The following PIGN variants were observed in gnomAD, a reference collection of about 807,000 sequenced individuals.
PIGN encodes the protein phosphatidylinositol glycan anchor biosynthesis class N.
In PIGN, 117 loss-of-function variants were observed where a neutral mutation model predicts 125.4. The observed-to-expected ratio is 0.93, with a 90% CI of 0.80 to 1.09. The LOEUF is 1.09. Among genes scored for constraint, PIGN ranks in the 50% least tolerant of loss-of-function variants. PIGN has a pLI of 0.00. For synonymous variants in PIGN, 392 were observed against 377.8 expected (o/e 1.04, Z -0.44); for missense variants, 1,075 against 1,094.9 (o/e 0.98, Z 0.26).
intron 1 of PIGN, among the ~76,000 whole-genome samples, chr18:62,173,473 C>G (rs1467155136): frequency 6.6e-6 from 1 of 152,166 alleles, no homozygotes; most frequent in African/African-American, 2.4e-5. Context: ...CTGAAGCAAT[C>G]CTCTCACCTC....
At chr18:62,034,266 C>T (rs978523956) in intron 23 of PIGN, among the ~76,000 whole-genome samples, 2 of 152,198 alleles carry the variant, frequency 1.3e-5, no homozygotes, top group Admixed American at 6.5e-5. Context: ...ATAAGTGAGA[C>T]GTGGTCTCAC....
At chr18:62,123,909 TC>T (rs1433918973) in intron 14 of PIGN, among the ~76,000 whole-genome samples, 1 of 138,816 alleles carries the variant, frequency 7.2e-6, no homozygotes, top group African/African-American at 2.7e-5. Context: ...CATTATATCT[TC>T]TGTGACTATA....
chr18:62,023,478 T>C (rs774775298), intron 23 of PIGN, among the ~76,000 whole-genome samples: 1 of 152,210 alleles, frequency 6.6e-6, no homozygotes, highest in Admixed American at 6.5e-5. Context: ...TCAATGGACA[T>C]TTGGGTCACA....
chr18:62,160,392 T>C (rs1188784712), intron 4 of PIGN, among the ~76,000 whole-genome samples: 3 of 152,220 alleles, frequency 2.0e-5, no homozygotes, highest in Non-Finnish European at 4.4e-5. Context: ...GTGAAAGGGC[T>C]CTATATTCTT....
At chr18:62,038,896 C>T (rs761370437), downstream of PIGN, among the ~76,000 whole-genome samples, 5 of 151,488 alleles carry the variant, frequency 3.3e-5, no homozygotes, top group Admixed American at 1.3e-4. Flanking sequence ...ACAGCTTGCA[C>T]GACACAGTGA....
At chr18:62,170,487 A>G (rs140649437) in intron 1 of PIGN, among the ~76,000 whole-genome samples, 1 of 152,306 alleles carries the variant, frequency 6.6e-6, no homozygotes, top group Middle Eastern at 3.4e-3. Flanking sequence ...AATTGTTTTG[A>G]GACAATTCCA....
intron 14 of PIGN, among the ~76,000 whole-genome samples, chr18:62,131,415 C>G (rs796924410): frequency 4.9e-4 from 74 of 151,686 alleles, no homozygotes; most frequent in African/African-American, 1.7e-3. Context: ...ACTCCAGCCT[C>G]TAAAGTATAC....
chr18:62,087,989 C>T lies in PIGN; in HGVS notation c.2370+767G>A, dbSNP rs186443375. On this transcript the variant is annotated intron_variant, in intron 25 of 30. Coordinates refer to ENST00000640252, the MANE Select transcript of PIGN (RefSeq NM_176787.5). ...AATATTGTATTGTATACTTGAAATG[C>T]GCTAAGAGAGCTGATCTTAAGTGTT... is the stretch of plus-strand genomic sequence containing the variant. 5.3e-5 allele frequency among the ~76,000 whole-genome samples: 8 copies of T among 152,072 alleles called. No homozygotes were observed. In the East Asian group the frequency reaches 5.8e-4, roughly 11 times the overall value.
intron 28 of PIGN, chr18:62,075,378 A>T (rs1249465590): frequency 6.6e-6 from 1 of 152,266 alleles, no homozygotes; most frequent in African/African-American, 2.4e-5. Context: ...TGTCATTTTA[A>T]GAGTGTTTTA....
intron 23 of PIGN, among the ~76,000 whole-genome samples, chr18:62,091,144 C>T (rs1015040199): frequency 2.6e-5 from 4 of 152,084 alleles, no homozygotes; most frequent in African/African-American, 9.7e-5. Flanking sequence ...GGTCAGGAGT[C>T]GAGACCAGTC....
intron 30 of PIGN, 120 bp from the exon 31 acceptor site, chr18:62,046,099 G>T: frequency 4.9e-6 from 5 of 1,027,268 alleles, no homozygotes; most frequent in Non-Finnish European, 5.7e-6. Context: ...GCTGGAGTGG[G>T]TGTTCTTTAC....
downstream of PIGN, among the ~76,000 whole-genome samples, chr18:62,037,415 A>G (rs2030275177): frequency 6.6e-6 from 1 of 152,260 alleles, no homozygotes; most frequent in African/African-American, 2.4e-5. Flanking sequence ...GCCTGTCCAC[A>G]TGAAAGCCCC....
chr18:62,042,209 T>TAC lies in PIGN; in HGVS notation c.*3645_*3646dup, dbSNP rs1174291346. The TAC allele has an allele frequency of 6.6e-6, 1 of 151,976 alleles. No homozygotes were observed. The highest frequency in any genetic ancestry group is 1.9e-4 in the East Asian group (1 of 5,170). The allele number at this position is 151,976 out of a possible 1,614,324, so 9.4% of individuals were successfully genotyped here. A position where few individuals can be genotyped will look rare whatever the true frequency, so the allele number is the denominator to read the frequency against. On this transcript the variant is annotated 3_prime_UTR_variant, in exon 31 of 31. Transcript: ENST00000640252. Reference sequence around the variant, plus strand: ...GGTGGTGGGCACCTGTAATCCCAGCTACTCAGGAGGCTGAGGCAGAAGAAT... The same window carrying TAC: ...GGTGGTGGGCACCTGTAATCCCAGCTACACTCAGGAGGCTGAGGCAGAAGAAT...
chr18:62,071,686 G>A (rs879376377), intron 30 of PIGN, among the ~76,000 whole-genome samples: 2 of 151,552 alleles, frequency 1.3e-5, no homozygotes, highest in Non-Finnish European at 2.9e-5. Flanking sequence ...CATTACTCTC[G>A]CTTGTTTGTG....
rs73452741 is a variant in PIGN at position 62,089,437 on chromosome 18, C to T, written c.2284-595G>A. On this transcript the variant is annotated intron_variant, in intron 24 of 30. Transcript: ENST00000640252. ...TAAAGGTAGACTTTCCCCACTCCTA[C>T]TTCCCATGTAATTTTCTAGTAAGTT... is the stretch of plus-strand genomic sequence containing the variant. Among the ~76,000 whole-genome samples the T allele has an allele frequency of 1.0e-2, 1,519 of 152,264 alleles. 21 individuals carry two copies. Among genetic ancestry groups the T allele is most frequent in the East Asian group, 0.049 (253 of 5,182 alleles).
chr18:62,128,635 A>G (rs551827910), intron 14 of PIGN, among the ~76,000 whole-genome samples: 2 of 150,286 alleles, frequency 1.3e-5, no homozygotes, highest in African/African-American at 4.8e-5. Context: ...AGAAGAGTTC[A>G]TTTAGGTTGA....
chr18:62,080,144 TG>T (rs1460657526), intron 28 of PIGN, among the ~76,000 whole-genome samples: 5 of 152,208 alleles, frequency 3.3e-5, no homozygotes, highest in Non-Finnish European at 5.9e-5. Flanking sequence ...CAAGTTTTTG[TG>T]TTTTTTTTCC....
At position 62,106,996 on chromosome 18, in the gene PIGN, A is replaced by G; in HGVS notation, c.1664T>C (p.Ile555Thr). Reference protein sequence around the residue: ...VGYLLAFTLGIEVLVLSFFYR... With the variant: ...VGYLLAFTLGTEVLVLSFFYR... ...TGGTAAGTTACTTACTAATACTTCA[A>G]TTCCCAGGGTAAAGGCTAACAGGTA... Residue 555 changes from isoleucine (I) to threonine (T), a missense_variant, in exon 18 of 31, where the codon ATT becomes ACT. Ile to Thr is a moderately conservative substitution (Grantham distance 89, BLOSUM62 -1). Coordinates refer to ENST00000640252, the MANE Select transcript of PIGN (RefSeq NM_176787.5). 1 of 1,580,710 alleles carries G rather than the reference A, an allele frequency of 6.3e-7. No individual in the cohort carries two copies. The highest frequency in any genetic ancestry group is 1.3e-5 in the African/African-American group (1 of 74,144).
At chr18:62,147,417 CTGTT>C (rs938631442) in intron 8 of PIGN, among the ~76,000 whole-genome samples, 4 of 152,270 alleles carry the variant, frequency 2.6e-5, no homozygotes, top group Middle Eastern at 6.8e-3. Flanking sequence ...ATAAACTAAA[CTGTT>C]TGGCCACATT....
Sources: allele counts gnomAD v4.1 joint callset (sites outside exome capture counted in the v4.1 genomes callset), GRCh38; gene constraint gnomAD v4.1.1; transcripts MANE v1.5; gene names NCBI Gene and HGNC (gene_info 2026-07-23, HGNC 2026-07-21).